Variants in CTNNA3 observed in about 807,000 individuals in gnomAD.
CTNNA3 encodes catenin alpha 3.
In CTNNA3, 76 loss-of-function variants were observed where a neutral mutation model predicts 95.7. That is an observed-to-expected ratio of 0.79 (90% CI 0.66 to 0.96). The LOEUF is 0.96. Among genes scored for constraint, CTNNA3 ranks in the 40% least tolerant of loss-of-function variants. The probability of loss-of-function intolerance (pLI) is 0.00; values close to 1 mark genes in which losing one functional copy is unlikely to be tolerated. For synonymous variants in CTNNA3, 431 were observed against 374.4 expected (o/e 1.15, Z -1.74); for missense variants, 1,191 against 1,089.8 (o/e 1.09, Z -1.31).
intron 3 of CTNNA3, among the ~76,000 whole-genome samples, chr10:67,571,061 T>C (rs1368056481): frequency 6.6e-6 from 1 of 152,198 alleles, no homozygotes; most frequent in African/African-American, 2.4e-5. Context: ...AAGATTTATC[T>C]GGCATTAATA....
Position 67,539,588 on chromosome 10 carries a change from G to A in CTNNA3, c.374C>T (p.Ala125Val). The A allele has an allele frequency of 6.2e-7, 1 of 1,613,898 alleles. No homozygotes were observed. Among genetic ancestry groups the A allele is most frequent in the South Asian group, 1.1e-5 (1 of 91,080 alleles). ...CGTCACCGCAGCCAGCAAGGCACGG[G>A]CAGCTTGAACCACAGCCTCCCTTTT... ...LPKREAVVQA[A>V]RALLAAVTRL... Residue 125 changes from alanine to valine, a missense_variant, in exon 4 of 18, where the codon GCC becomes GTC. Ala to Val is a moderately conservative substitution (Grantham distance 64). Coordinates refer to ENST00000433211, the MANE Select transcript of CTNNA3 (RefSeq NM_013266.4).
chr10:66,735,614 G>A (rs764423947), intron 9 of CTNNA3, among the ~76,000 whole-genome samples: 2 of 151,692 alleles, frequency 1.3e-5, no homozygotes, highest in African/African-American at 4.8e-5. Flanking sequence ...GTCTTGTTTT[G>A]TTTGAAATAA....
chr10:66,284,659 C>T (rs1219644116), intron 12 of CTNNA3, among the ~76,000 whole-genome samples: 1 of 151,874 alleles, frequency 6.6e-6, no homozygotes, highest in East Asian at 1.9e-4. Context: ...TTAAATAGGT[C>T]AGAAAAGAAT....
intron 15 of CTNNA3, among the ~76,000 whole-genome samples, chr10:66,026,362 G>A (rs2079336368): frequency 6.6e-6 from 1 of 152,094 alleles, no homozygotes; most frequent in African/African-American, 2.4e-5. Flanking sequence ...ATTGAACTGA[G>A]TTCCATCACT....
chr10:66,387,640 G>C (rs2092903478), intron 11 of CTNNA3, among the ~76,000 whole-genome samples: 1 of 152,156 alleles, frequency 6.6e-6, no homozygotes. Flanking sequence ...AAAGACACAT[G>C]CACACGTATG....
rs114863173 is a variant in CTNNA3, at chr10:66,289,273, G to C, written c.1733-8652C>G. ...ATGGAAGCATAAGAGCTTCCTATATGCAAGGGGTACAAGGTTAAGATTTTT... is the reference window on the plus strand; with the variant it reads ...ATGGAAGCATAAGAGCTTCCTATATCCAAGGGGTACAAGGTTAAGATTTTT... On this transcript the variant is annotated intron_variant, in intron 12 of 17. Transcript: ENST00000433211. Among the ~76,000 whole-genome samples the C allele has an allele frequency of 2.2e-3, 286 of 127,112 alleles. 1 individual carries two copies. The highest frequency in any genetic ancestry group is 8.3e-3 in the African/African-American group (274 of 33,132). The allele number at this position is 127,112 out of a possible 152,430, so 83.4% of individuals were successfully genotyped here. A position where few individuals can be genotyped will look rare whatever the true frequency, so the allele number is the denominator to read the frequency against.
chr10:67,220,411 G>A (rs1001734047), intron 5 of CTNNA3, among the ~76,000 whole-genome samples: 1 of 152,016 alleles, frequency 6.6e-6, no homozygotes, highest in African/African-American at 2.4e-5. Context: ...TGAGCACTTA[G>A]CATATTCTAG....
chr10:66,770,954 A>G (rs556220705), intron 8 of CTNNA3, among the ~76,000 whole-genome samples: 3 of 152,262 alleles, frequency 2.0e-5, no homozygotes, highest in African/African-American at 7.2e-5. Flanking sequence ...AAATGTACTA[A>G]TAATTATTTC....
chr10:66,442,121 C>G (rs1288877614), intron 11 of CTNNA3, among the ~76,000 whole-genome samples: 1 of 152,108 alleles, frequency 6.6e-6, no homozygotes. Context: ...TTTCTTGTAA[C>G]TATTTCCTAA....
intron 5 of CTNNA3, among the ~76,000 whole-genome samples, chr10:67,436,496 T>C (rs1293490734): frequency 6.6e-6 from 1 of 152,116 alleles, no homozygotes; most frequent in Non-Finnish European, 1.5e-5. Flanking sequence ...CTAAAGAGCT[T>C]CTGCACAGCA....
intron 7 of CTNNA3, among the ~76,000 whole-genome samples, chr10:66,785,863 CT>C (rs926601192): frequency 1.3e-5 from 2 of 152,110 alleles, no homozygotes; most frequent in Admixed American, 6.6e-5. Flanking sequence ...CACTCATCAC[CT>C]TTTTTCACCA....
At chr10:66,635,409 T>C (rs1845299997) in intron 9 of CTNNA3, among the ~76,000 whole-genome samples, 1 of 152,142 alleles carries the variant, frequency 6.6e-6, no homozygotes, top group Non-Finnish European at 1.5e-5. Flanking sequence ...AACAATGCTA[T>C]AATTAGCTTT....
At chr10:66,443,005 T>C (rs2131794901) in intron 11 of CTNNA3, among the ~76,000 whole-genome samples, 1 of 152,266 alleles carries the variant, frequency 6.6e-6, no homozygotes, top group South Asian at 2.1e-4. Context: ...CACCAGGAGA[T>C]TATATCCCGC....
chr10:66,463,555 T>C (rs376369219), intron 11 of CTNNA3, among the ~76,000 whole-genome samples: 5 of 149,410 alleles, frequency 3.3e-5, no homozygotes, highest in African/African-American at 1.3e-4. Context: ...CTGGGCTAAG[T>C]TGTCAGTAGA....
intron 15 of CTNNA3, among the ~76,000 whole-genome samples, chr10:66,010,334 A>G (rs1278736737): frequency 6.6e-6 from 1 of 152,230 alleles, no homozygotes; most frequent in Non-Finnish European, 1.5e-5. Context: ...GTTAAAGAAT[A>G]ACTAAAAAGT....
rs1016041287 is a variant in CTNNA3 at position 66,110,497 on chromosome 10, CCTCT to C, written c.1885-7252_1885-7249del. Reference sequence around the variant, plus strand: ...ATGAATAAAGAAACTGTGAGCTCTCCCTCTCTCTATATATACACACACAAACATA... The same window carrying C: ...ATGAATAAAGAAACTGTGAGCTCTCCCTCTATATATACACACACAAACATA... On this transcript the variant is annotated intron_variant, in intron 13 of 17. Coordinates refer to ENST00000433211, the MANE Select transcript of CTNNA3 (RefSeq NM_013266.4). Among the ~76,000 whole-genome samples the C allele has an allele frequency of 3.0e-4, 46 of 152,004 alleles. 1 individual carries two copies. Among genetic ancestry groups the C allele is most frequent in the Admixed American group, 1.4e-3 (21 of 15,252 alleles).
At chr10:66,976,765 G>C (rs1397084008) in intron 7 of CTNNA3, among the ~76,000 whole-genome samples, 1 of 152,074 alleles carries the variant, frequency 6.6e-6, no homozygotes, top group African/African-American at 2.4e-5. Flanking sequence ...TTCATCTAGA[G>C]TAAGTCTTTA....
At chr10:66,948,076 T>C (rs1170892402) in intron 7 of CTNNA3, among the ~76,000 whole-genome samples, 1 of 152,144 alleles carries the variant, frequency 6.6e-6, no homozygotes, top group Non-Finnish European at 1.5e-5. Context: ...ATAGAAAAGG[T>C]AGGATAAAAA....
At chr10:65,996,769 C>T (rs2078670830) in intron 15 of CTNNA3, among the ~76,000 whole-genome samples, 3 of 152,190 alleles carry the variant, frequency 2.0e-5, no homozygotes, top group South Asian at 2.1e-4. Context: ...ACTCTCCAAG[C>T]TCCCAGGTGA....
Sources: allele counts gnomAD v4.1 joint callset (sites outside exome capture counted in the v4.1 genomes callset), GRCh38; gene constraint gnomAD v4.1.1; transcripts MANE v1.5; gene names NCBI Gene and HGNC (gene_info 2026-07-23, HGNC 2026-07-21).